The following NEMP2 variants were observed in gnomAD, a reference collection of about 807,000 sequenced individuals.
The protein encoded by NEMP2 is UPF0571 transmembrane protein.
NEMP2 carries 53 observed loss-of-function variants against 54.2 expected under a neutral mutation model. That is an observed-to-expected ratio of 0.98 (90% confidence interval 0.78 to 1.23). The LOEUF (loss-of-function observed/expected upper bound fraction) is 1.23. Ranked by LOEUF, NEMP2 falls within the 50% of genes most tolerant of loss-of-function variation. The probability of loss-of-function intolerance (pLI) is 0.00; values close to 1 mark genes in which losing one functional copy is unlikely to be tolerated. For missense variants in NEMP2, 455 were observed against 511.3 expected (o/e 0.89, Z 1.06); for synonymous variants, 197 against 190.3 (o/e 1.04, Z -0.29).
the NEMP2 span, among the ~76,000 whole-genome samples, chr2:190,467,890 C>T: frequency 1.3e-5 from 2 of 152,204 alleles, no homozygotes; most frequent in African/African-American, 4.8e-5. The surrounding 1 kb of genome is among the most constrained non-coding windows in gnomAD (Gnocchi z 5.5). Context: ...TTTCATGCTA[C>T]AGCAGCAGAG....
At chr2:190,581,047 A>G in the NEMP2 span, among the ~76,000 whole-genome samples, 1 of 152,336 alleles carries the variant, frequency 6.6e-6, no homozygotes, top group African/African-American at 2.4e-5. Context: ...TACTAAGAAT[A>G]TAAGAATTAC....
chr2:190,517,233 C>T (rs1169956210), intron 5 of NEMP2, among the ~76,000 whole-genome samples: 1 of 151,540 alleles, frequency 6.6e-6, no homozygotes, highest in Non-Finnish European at 1.5e-5. Context: ...TAGAAATTTT[C>T]ACTCAATATA....
chr2:190,586,540 T>C, the NEMP2 span, among the ~76,000 whole-genome samples: 3 of 152,168 alleles, frequency 2.0e-5, no homozygotes, highest in Non-Finnish European at 1.5e-5. This position sits in a 1 kb window ranked among gnomAD's most constrained non-coding sequence, Gnocchi z 4.5. Context: ...TGTCCCCATA[T>C]TTAAAATACA....
the NEMP2 span, among the ~76,000 whole-genome samples, chr2:190,581,940 TA>T: frequency 6.6e-6 from 1 of 152,272 alleles, no homozygotes; most frequent in African/African-American, 2.4e-5. Context: ...GCAAATGCTA[TA>T]AATCGGGGAT....
chr2:190,534,417 G>A (rs1273635076), intron 1 of NEMP2, 142 bp downstream of exon 1: 4 of 1,219,486 alleles, frequency 3.3e-6, no homozygotes, highest in Admixed American at 4.4e-5. Flanking sequence ...GCCTGCCCGG[G>A]AGACCCCAAA....
rs1034293655 is a variant in NEMP2 at position 190,531,166 on chromosome 2, A to T, written c.97+3393T>A. Reference sequence around the variant, plus strand: ...AACAATAATCATTCATTTGGTCAAAAGGGAACAATACCTGCCTAGGGAAAG... The same window carrying T: ...AACAATAATCATTCATTTGGTCAAATGGGAACAATACCTGCCTAGGGAAAG... On this transcript the variant is annotated intron_variant, in intron 1 of 8. Transcript: ENST00000409150. The surrounding 1 kb of genome is among the most constrained non-coding windows in gnomAD (Gnocchi z 4.7). Among the ~76,000 whole-genome samples, 3 of 152,252 alleles carry T rather than the reference A, an allele frequency of 2.0e-5. No individual in the cohort carries two copies. The highest frequency in any genetic ancestry group is 6.5e-5 in the Admixed American group (1 of 15,286).
In NEMP2 at chr2:190,511,958, T is replaced by A. The variant is rs188417813; in HGVS notation, c.954-1421A>T. Among the ~76,000 whole-genome samples the A allele has an allele frequency of 6.9e-3, 1,040 of 149,882 alleles. 1 individual carries two copies. Among genetic ancestry groups the A allele is most frequent in the Non-Finnish European group, 0.013 (852 of 67,542 alleles). On this transcript the variant is annotated intron_variant, in intron 7 of 8. Transcript: ENST00000409150. ...TAAATGAGCATCAGAATTATTAGGA[T>A]ATATTTATATAATATATATTTAAGT...
At chr2:190,497,864 T>A in the NEMP2 span, 5 of 916,492 alleles carry the variant, frequency 5.5e-6, no homozygotes, top group Non-Finnish European at 8.1e-6. The surrounding 1 kb of genome is among the most constrained non-coding windows in gnomAD (Gnocchi z 5.2). Flanking sequence ...TTCAGTACTC[T>A]GTGAGCACTG....
the NEMP2 span, among the ~76,000 whole-genome samples, chr2:190,643,159 A>G: frequency 6.6e-6 from 1 of 152,088 alleles, no homozygotes; most frequent in Non-Finnish European, 1.5e-5. Flanking sequence ...TGAATTCAAG[A>G]GAAGTATAAC....
chr2:190,498,406 G>C, the NEMP2 span, among the ~76,000 whole-genome samples: 35 of 152,258 alleles, frequency 2.3e-4, no homozygotes, highest in Non-Finnish European at 3.8e-4. This position sits in a 1 kb window ranked among gnomAD's most constrained non-coding sequence, Gnocchi z 5.9. Flanking sequence ...GCTTTGTCTG[G>C]AGTAGCTTCA....
chr2:190,489,643 T>A, the NEMP2 span: 1 of 841,850 alleles, frequency 1.2e-6, no homozygotes, highest in Non-Finnish European at 1.8e-6. The surrounding 1 kb of genome is among the most constrained non-coding windows in gnomAD (Gnocchi z 6.6). Context: ...AATACCCAAC[T>A]ACTTTTCTCT....
At position 190,505,960 on chromosome 2, in the gene NEMP2, T is replaced by C. The variant is rs1472001300; in HGVS notation, c.*3229A>G. The C allele has an allele frequency of 6.6e-6, 1 of 152,238 alleles. No homozygotes were observed. Among genetic ancestry groups the C allele is most frequent in the African/African-American group, 2.4e-5 (1 of 41,464 alleles). The allele number at this position is 152,238 out of a possible 1,614,324, so 9.4% of individuals were successfully genotyped here. ...AATTATATAACAAGCTCCCTTTGTT[T>C]TGTTTCAGTTCACCAAGTAGCCACC... On this transcript the variant is annotated 3_prime_UTR_variant, in exon 9 of 9. Transcript: ENST00000409150. This position sits in a 1 kb window ranked among gnomAD's most constrained non-coding sequence, Gnocchi z 5.8.
chr2:190,472,967 T>G, the NEMP2 span, among the ~76,000 whole-genome samples: 1 of 152,302 alleles, frequency 6.6e-6, no homozygotes, highest in African/African-American at 2.4e-5. Flanking sequence ...CAACCCAGAA[T>G]TTCATATCCA....
rs1449237429 is a variant in NEMP2, at chr2:190,520,853, G to A, written c.214-1670C>T. On this transcript the variant is annotated intron_variant, in intron 2 of 8. Transcript: ENST00000409150. The surrounding 1 kb of genome is among the most constrained non-coding windows in gnomAD (Gnocchi z 5.4). The stretch of plus-strand genomic sequence containing the variant: ...CATCTAGTGCCCCAATCCCACCAAG[G>A]ATCTGAACATCCTTCTCCTGCTCCT... Among the ~76,000 whole-genome samples, 3 of 151,922 alleles carry A rather than the reference G, an allele frequency of 2.0e-5. No individual in the cohort carries two copies. The highest frequency in any genetic ancestry group is 4.4e-5 in the Non-Finnish European group (3 of 67,980).
At position 190,507,988 on chromosome 2, in the gene NEMP2, C is replaced by A. The variant is rs923586016; in HGVS notation, c.*1201G>T. The A allele has an allele frequency of 2.0e-5, 3 of 152,190 alleles. No homozygotes were observed. The highest frequency in any genetic ancestry group is 7.2e-5 in the African/African-American group (3 of 41,440). The allele number at this position is 152,190 out of a possible 1,614,324, so 9.4% of individuals were successfully genotyped here. A position where few individuals can be genotyped will look rare whatever the true frequency, so the allele number is the denominator to read the frequency against. On this transcript the variant is annotated 3_prime_UTR_variant, in exon 9 of 9. Coordinates refer to ENST00000409150, the MANE Select transcript of NEMP2 (RefSeq NM_001142645.2). The surrounding 1 kb of genome is among the most constrained non-coding windows in gnomAD (Gnocchi z 4.4). ...GCCATGTTCAAATCTTTCCTCAGAT[C>A]TATGTTTTGGCCTTCTTTCCTCAGG...
At chr2:190,596,863 C>T in the NEMP2 span, among the ~76,000 whole-genome samples, 269 of 152,196 alleles carry the variant, frequency 1.8e-3, 1 homozygote, top group African/African-American at 6.3e-3. The surrounding 1 kb of genome is among the most constrained non-coding windows in gnomAD (Gnocchi z 5.1). Context: ...TTATACATCC[C>T]AACATACTCA....
the NEMP2 span, among the ~76,000 whole-genome samples, chr2:190,584,999 G>C: frequency 1.1e-4 from 17 of 152,154 alleles, no homozygotes; most frequent in Non-Finnish European, 2.4e-4. The surrounding 1 kb of genome is among the most constrained non-coding windows in gnomAD (Gnocchi z 4.2). Context: ...CAGTCAGTTG[G>C]AAAGCTTGGT....
chr2:190,564,728 G>C, the NEMP2 span, among the ~76,000 whole-genome samples: 4 of 152,192 alleles, frequency 2.6e-5, no homozygotes, highest in African/African-American at 9.7e-5. This position sits in a 1 kb window ranked among gnomAD's most constrained non-coding sequence, Gnocchi z 4.2. Flanking sequence ...CTGCCACATG[G>C]TGATAGAACT....
the NEMP2 span, among the ~76,000 whole-genome samples, chr2:190,558,939 CTT>C: frequency 6.6e-6 from 1 of 152,142 alleles, no homozygotes; most frequent in Non-Finnish European, 1.5e-5. This position sits in a 1 kb window ranked among gnomAD's most constrained non-coding sequence, Gnocchi z 4.4. Context: ...TATGATGAAA[CTT>C]TTTTTACCCT....
Sources: allele counts gnomAD v4.1 joint callset (sites outside exome capture counted in the v4.1 genomes callset), GRCh38; gene constraint gnomAD v4.1.1; non-coding constraint Gnocchi (gnomAD v3.1); transcripts MANE v1.5; gene names NCBI Gene and HGNC (gene_info 2026-07-23, HGNC 2026-07-21).